ARFGEF1: variants seen among roughly 807,000 people sequenced by gnomAD.
The protein encoded by ARFGEF1 is brefeldin A-inhibited guanine nucleotide-exchange protein 1.
In ARFGEF1, 42 loss-of-function variants were observed where a neutral mutation model predicts 231.0. The observed-to-expected ratio is 0.18, with a 90% CI of 0.14 to 0.24. The LOEUF (loss-of-function observed/expected upper bound fraction) is 0.24, where lower values mean the gene tolerates loss of function less well. Ranked by LOEUF, ARFGEF1 falls within the 10% of genes least tolerant of loss-of-function variation. ARFGEF1 has a pLI of 1.00. For synonymous variants in ARFGEF1, 710 were observed against 732.3 expected (o/e 0.97, Z 0.49); for missense variants, 1,345 against 2,192.0 (o/e 0.61, Z 7.72).
Position 67,225,010 on chromosome 8 carries a change from A to G in ARFGEF1, c.4101T>C (p.Asp1367=). 6.2e-7 allele frequency: 1 copy of G among 1,601,386 alleles called. No individual in the cohort carries two copies. Among genetic ancestry groups the G allele is most frequent in the African/African-American group, 1.3e-5 (1 of 74,686 alleles). ...TGTCTTCAGGTGCTACGTTCATATC[A>G]TCGCTTGTGTATTCCTTGAAAGCCT... The part of the protein sequence containing the change: ...RPQAFKEYTS[D]DMNVAPEDRV... The change falls in exon 29 of 39, where the codon GAT becomes GAC. Residue 1367 remains aspartate, a synonymous_variant. Coordinates refer to ENST00000262215, the MANE Select transcript of ARFGEF1 (RefSeq NM_006421.5).
chr8:67,342,635 G>A (rs1808694588), intron 1 of ARFGEF1, among the ~76,000 whole-genome samples: 1 of 151,898 alleles, frequency 6.6e-6, no homozygotes, highest in South Asian at 2.1e-4. Flanking sequence ...ATGTCAGAAC[G>A]GGCTGCACCT....
intron 22 of ARFGEF1, among the ~76,000 whole-genome samples, chr8:67,236,585 C>G (rs1019855485): frequency 6.6e-6 from 1 of 151,772 alleles, no homozygotes; most frequent in African/African-American, 2.4e-5. Context: ...AACGGGACGG[C>G]CCAACGGGAG....
chr8:67,177,398 A>G (rs1350940171), intron 5 of ARFGEF1, among the ~76,000 whole-genome samples: 2 of 152,204 alleles, frequency 1.3e-5, no homozygotes, highest in Non-Finnish European at 2.9e-5. Context: ...AAGATGGTGA[A>G]GGATCCTGCA....
intron 9 of ARFGEF1, among the ~76,000 whole-genome samples, chr8:67,274,162 C>T (rs908230476): frequency 2.0e-4 from 30 of 152,084 alleles, no homozygotes; most frequent in African/African-American, 7.2e-4. Flanking sequence ...GCAAAAGAGG[C>T]TGGAAATTTC....
intron 9 of ARFGEF1, among the ~76,000 whole-genome samples, chr8:67,275,599 G>T (rs928038329): frequency 2.0e-5 from 3 of 151,984 alleles, no homozygotes; most frequent in African/African-American, 7.2e-5. Context: ...TTACTTATAT[G>T]GAAATAAGAA....
At chr8:67,312,245 TA>T (rs771238790) in intron 1 of ARFGEF1, among the ~76,000 whole-genome samples, 124 of 113,026 alleles carry the variant, frequency 1.1e-3, no homozygotes, top group Middle Eastern at 8.7e-3. Flanking sequence ...AAAAAAAAAT[TA>T]AAAAAAAAAA....
chr8:67,295,881 TAA>T (rs1230749014), intron 5 of ARFGEF1, among the ~76,000 whole-genome samples: 8 of 152,150 alleles, frequency 5.3e-5, no homozygotes, highest in African/African-American at 2.4e-5. Context: ...TCTCTACGTT[TAA>T]AAAGAGTTCA....
chr8:67,226,190 TA>T lies in ARFGEF1; in HGVS notation c.3917-8del, dbSNP rs757785996. 188 of 1,567,220 alleles carry T rather than the reference TA, an allele frequency of 1.2e-4. 2 individuals are homozygous for T. In the South Asian group the frequency reaches 2.2e-3, roughly 18 times the overall value. On this transcript the variant is annotated splice_region_variant and splice_polypyrimidine_tract_variant and intron_variant, in intron 27 of 38. Coordinates refer to ENST00000262215, the MANE Select transcript of ARFGEF1 (RefSeq NM_006421.5). ...TGTTTTTCAAATACAAGGGCTAAAATAGAGAAAAATATATATTACTATAATT... is the reference window on the plus strand; with the variant it reads ...TGTTTTTCAAATACAAGGGCTAAAATGAGAAAAATATATATTACTATAATT...
chr8:67,202,256 C>CT (rs942078864), intron 36 of ARFGEF1, among the ~76,000 whole-genome samples: 3 of 152,002 alleles, frequency 2.0e-5, no homozygotes, highest in Non-Finnish European at 2.9e-5. Flanking sequence ...ATATTTCTTT[C>CT]TTTTTTCTTT....
chr8:67,320,388 G>T (rs1035034578), intron 1 of ARFGEF1, among the ~76,000 whole-genome samples: 1 of 151,992 alleles, frequency 6.6e-6, no homozygotes, highest in Non-Finnish European at 1.5e-5. Context: ...CAACAAGAAC[G>T]CAAATACACC....
intron 1 of ARFGEF1, among the ~76,000 whole-genome samples, chr8:67,331,671 A>G (rs1212705444): frequency 3.9e-5 from 6 of 152,348 alleles, no homozygotes; most frequent in African/African-American, 7.2e-5. Flanking sequence ...ATAGAAAATG[A>G]AAGTACAGAT....
At chr8:67,292,231 T>C in intron 5 of ARFGEF1, 108 bp from the exon 6 acceptor site, 1 of 914,136 alleles carries the variant, frequency 1.1e-6, no homozygotes, top group South Asian at 1.7e-5. Flanking sequence ...CTCTCTACGC[T>C]TGGAAATTAA....
At chr8:67,287,903 T>G (rs1219140553) in intron 7 of ARFGEF1, 52 bp downstream of exon 7, 1 of 1,252,938 alleles carries the variant, frequency 8.0e-7, no homozygotes, top group Non-Finnish European at 1.1e-6. Context: ...GTCTCCACAG[T>G]CAGATGAAAT....
At chr8:67,219,370 AT>A in intron 30 of ARFGEF1, 60 bp downstream of exon 30, 1 of 1,543,016 alleles carries the variant, frequency 6.5e-7, no homozygotes, top group Non-Finnish European at 8.7e-7. Flanking sequence ...AAATGTATTG[AT>A]TATAATACTG....
At chr8:67,316,864 G>T (rs1287982534) in intron 1 of ARFGEF1, among the ~76,000 whole-genome samples, 2 of 152,182 alleles carry the variant, frequency 1.3e-5, no homozygotes, top group African/African-American at 4.8e-5. Flanking sequence ...TATTATTCAT[G>T]ATGAACCCCT....
At chr8:67,334,799 A>G (rs1393669865) in intron 1 of ARFGEF1, among the ~76,000 whole-genome samples, 1 of 152,214 alleles carries the variant, frequency 6.6e-6, no homozygotes, top group African/African-American at 2.4e-5. Flanking sequence ...ACCAGACACT[A>G]ACGACCACCT....
intron 33 of ARFGEF1, among the ~76,000 whole-genome samples, chr8:67,214,574 G>A (rs1052360888): frequency 5.3e-5 from 8 of 152,220 alleles, no homozygotes; most frequent in African/African-American, 1.9e-4. Flanking sequence ...AGAAGGCCAA[G>A]GCTATAATAG....
chr8:67,234,474 A>G (rs899351774), intron 22 of ARFGEF1, among the ~76,000 whole-genome samples: 7 of 152,156 alleles, frequency 4.6e-5, no homozygotes, highest in Non-Finnish European at 7.4e-5. Context: ...AAGGAAGGAG[A>G]AAGAAAAGCA....
At chr8:67,292,335 T>C (rs1309126648) in intron 5 of ARFGEF1, among the ~76,000 whole-genome samples, 1 of 152,140 alleles carries the variant, frequency 6.6e-6, no homozygotes, top group Non-Finnish European at 1.5e-5. Flanking sequence ...AGAACAGAGA[T>C]GAAAGACTTT....
Sources: gnomAD v4.1 joint callset for allele counts (sites outside exome capture counted in the v4.1 genomes callset) on GRCh38, gnomAD v4.1.1 for gene constraint, MANE v1.5 for transcripts, NCBI Gene and HGNC (gene_info 2026-07-23, HGNC 2026-07-21) for gene names.